Variants in TULP3 observed in about 807,000 individuals in gnomAD.
TULP3 encodes the protein tubby-related protein 3.
TULP3 carries 38 observed loss-of-function variants against 50.7 expected under a neutral mutation model. That is an observed-to-expected ratio of 0.75 (90% CI 0.58 to 0.98). TULP3 has a LOEUF of 0.98. TULP3 is among the 50% of genes least tolerant of loss of function. TULP3 has a pLI of 0.00. For synonymous variants in TULP3, 183 were observed against 196.6 expected (o/e 0.93, Z 0.58); for missense variants, 550 against 568.0 (o/e 0.97, Z 0.32).
At chr12:2,894,598 A>G (rs1204365737) in intron 1 of TULP3, among the ~76,000 whole-genome samples, 1 of 152,070 alleles carries the variant, frequency 6.6e-6, no homozygotes, top group Non-Finnish European at 1.5e-5. Context: ...CTGTCAAGAT[A>G]AAAAGCTCAA....
In TULP3 at chr12:2,931,188, G is replaced by C; in HGVS notation, c.644G>C (p.Arg215Pro). The change falls in exon 6 of 11, where the codon CGG (arginine) becomes CCG (proline). Residue 215 changes from arginine to proline, a missense_variant. By Grantham distance (103) the Arg-to-Pro change is moderately radical. Transcript: ENST00000448120. ...ATCCGGGATAAAAGGGGAATGGATC[G>C]GGGTCTCTTCCCCACCTACTATATG... ...RIIRDKRGMD[R>P]GLFPTYYMYL... is the part of the protein sequence containing the mutation. 1 of 1,614,168 alleles carries C rather than the reference G, an allele frequency of 6.2e-7. No individual in the cohort carries two copies. The highest frequency in any genetic ancestry group is 8.5e-7 in the Non-Finnish European group (1 of 1,180,028).
chr12:2,917,102 A>G (rs1052627544), intron 2 of TULP3, among the ~76,000 whole-genome samples: 10 of 152,218 alleles, frequency 6.6e-5, no homozygotes, highest in Admixed American at 1.3e-4. Context: ...TTTTAAAACC[A>G]GAACCCCAAG....
intron 1 of TULP3, among the ~76,000 whole-genome samples, chr12:2,899,751 G>A (rs2098177862): frequency 1.3e-5 from 2 of 151,906 alleles, no homozygotes; most frequent in South Asian, 4.2e-4. Context: ...AAATTAGCCG[G>A]GTGTGGTGGC....
chr12:2,894,279 C>T (rs369856895), intron 1 of TULP3, among the ~76,000 whole-genome samples: 87 of 35,692 alleles, frequency 2.4e-3, no homozygotes, highest in Middle Eastern at 0.033. Context: ...CATGGGAGGC[C>T]GAGATGGCGG....
rs1264281123 is a variant in TULP3, at chr12:2,892,518, C to CT, written c.41+1540dup. Among the ~76,000 whole-genome samples, 886 of 149,612 alleles carry CT rather than the reference C, an allele frequency of 5.9e-3. 8 individuals are homozygous for CT. Among genetic ancestry groups the CT allele is most frequent in the African/African-American group, 0.019 (796 of 40,828 alleles). ...ATTGGGACCAAGAGGCTTTTCCTTCCTTTTTTTTTTCTGAGACGGAGTCTC... is the reference window on the plus strand; with the variant it reads ...ATTGGGACCAAGAGGCTTTTCCTTCCTTTTTTTTTTTCTGAGACGGAGTCTC... On this transcript the variant is annotated intron_variant, in intron 1 of 10. Coordinates refer to ENST00000448120, the MANE Select transcript of TULP3 (RefSeq NM_003324.5).
At chr12:2,937,199 G>A (rs1313276254) in intron 8 of TULP3, among the ~76,000 whole-genome samples, 2 of 65,870 alleles carry the variant, frequency 3.0e-5, no homozygotes, top group East Asian at 5.2e-4. Flanking sequence ...TGGTACACCT[G>A]ATTTTTTTTT....
chr12:2,916,341 AT>A (rs1173241250), intron 2 of TULP3, among the ~76,000 whole-genome samples: 1 of 152,166 alleles, frequency 6.6e-6, no homozygotes, highest in Non-Finnish European at 1.5e-5. Context: ...TTTCATGGAA[AT>A]TTCCACCTAT....
chr12:2,938,627 T>C (rs537207493), intron 10 of TULP3, among the ~76,000 whole-genome samples: 1 of 151,144 alleles, frequency 6.6e-6, no homozygotes, highest in East Asian at 2.0e-4. Flanking sequence ...CTACAAAAAA[T>C]AGAAAAATTA....
chr12:2,891,717 T>C (rs993223242), intron 1 of TULP3, among the ~76,000 whole-genome samples: 1 of 152,118 alleles, frequency 6.6e-6, no homozygotes, highest in Non-Finnish European at 1.5e-5. Context: ...ATTTAAGCCC[T>C]ACACGCCAAC....
intron 2 of TULP3, among the ~76,000 whole-genome samples, chr12:2,910,797 TAC>T (rs540803747): frequency 6.6e-6 from 1 of 152,056 alleles, no homozygotes; most frequent in Non-Finnish European, 1.5e-5. Context: ...AAAATTCTGT[TAC>T]ACACACACAC....
intron 3 of TULP3, among the ~76,000 whole-genome samples, chr12:2,921,972 A>G (rs1308281290): frequency 6.6e-6 from 1 of 152,022 alleles, no homozygotes; most frequent in Non-Finnish European, 1.5e-5. Context: ...AGTCCCAGCT[A>G]CTCGGGGGAC....
intron 2 of TULP3, among the ~76,000 whole-genome samples, chr12:2,912,794 T>C (rs1424945348): frequency 6.6e-6 from 1 of 152,116 alleles, no homozygotes; most frequent in African/African-American, 2.4e-5. Context: ...TCAGAGCAGG[T>C]AGAGTTTGTA....
chr12:2,940,422 C>T lies in TULP3; in HGVS notation c.*978C>T, dbSNP rs1453807689. 16 of 1,463,798 alleles carry T rather than the reference C, an allele frequency of 1.1e-5. No homozygotes were observed. Among genetic ancestry groups the T allele is most frequent in the African/African-American group, 2.8e-5 (2 of 70,274 alleles). 90.7% of individuals were successfully genotyped at this position (1,463,798 alleles called of 1,614,324 possible). On this transcript the variant is annotated 3_prime_UTR_variant, in exon 11 of 11. Coordinates refer to ENST00000448120, the MANE Select transcript of TULP3 (RefSeq NM_003324.5). Reference sequence around the variant, plus strand: ...GTGGCAGAGCTGTGGACTTTCTTCTCGGCTCCCTCAACCCTGGCTCAGGCA... The same window carrying T: ...GTGGCAGAGCTGTGGACTTTCTTCTTGGCTCCCTCAACCCTGGCTCAGGCA...
chr12:2,910,827 T>A (rs956502194), intron 2 of TULP3, among the ~76,000 whole-genome samples: 1 of 152,206 alleles, frequency 6.6e-6, no homozygotes, highest in African/African-American at 2.4e-5. Context: ...TACACACTTA[T>A]CCCTCTGCCC....
intron 1 of TULP3, among the ~76,000 whole-genome samples, chr12:2,898,755 C>T (rs996250355): frequency 4.6e-5 from 7 of 152,000 alleles, no homozygotes; most frequent in African/African-American, 1.7e-4. Context: ...TCGTAGCCCA[C>T]AACAGCCTTG....
chr12:2,938,376 C>G lies in TULP3; in HGVS notation c.1195+91C>G. The G allele has an allele frequency of 4.4e-6, 6 of 1,374,676 alleles. No homozygotes were observed. The East Asian group carries it at 7.0e-5, about 16-fold the overall frequency. 85.2% of individuals were successfully genotyped at this position (1,374,676 alleles called of 1,614,324 possible). A position where few individuals can be genotyped will look rare whatever the true frequency, so the allele number is the denominator to read the frequency against. On this transcript the variant is annotated intron_variant, in intron 10 of 10. Coordinates refer to ENST00000448120, the MANE Select transcript of TULP3 (RefSeq NM_003324.5). ...ATTCCCTGTACATGATAGGAAGTGA[C>G]AGTCAGCAGATAATCATGGAGGAGA...
intron 2 of TULP3, among the ~76,000 whole-genome samples, chr12:2,916,458 A>G (rs2098188767): frequency 6.6e-6 from 1 of 152,204 alleles, no homozygotes; most frequent in African/African-American, 2.4e-5. Flanking sequence ...ATTCTTTTAC[A>G]GTTCAATTCC....
Position 2,918,775 on chromosome 12 carries a change from G to C in TULP3, c.94-1988G>C, listed in dbSNP as rs559771151. On this transcript the variant is annotated intron_variant, in intron 2 of 10. Transcript: ENST00000448120. ...GGCTGGCTTTGAACTCCCGACCTCA[G>C]GTGATCCGTCCGCCTCAGCCTCCCA... Among the ~76,000 whole-genome samples the C allele has an allele frequency of 2.0e-5, 3 of 152,012 alleles. No individual in the cohort carries two copies. The East Asian group carries it at 5.9e-4, about 30-fold the overall frequency.
intron 1 of TULP3, 138 bp downstream of exon 1, chr12:2,891,126 G>T: frequency 9.7e-7 from 1 of 1,029,646 alleles, no homozygotes; most frequent in South Asian, 2.1e-5. Flanking sequence ...TGGTTTCGGC[G>T]GCGGGAGGCG....
Sources: gnomAD v4.1 joint callset for allele counts (sites outside exome capture counted in the v4.1 genomes callset) on GRCh38, gnomAD v4.1.1 for gene constraint, MANE v1.5 for transcripts, NCBI Gene and HGNC (gene_info 2026-07-23, HGNC 2026-07-21) for gene names.